ITGA9: variants seen among roughly 807,000 people sequenced by gnomAD.
ITGA9 encodes the protein integrin alpha-9.
ITGA9 carries 56 observed loss-of-function variants against 127.8 expected under a neutral mutation model. The observed-to-expected ratio is 0.44, with a 90% confidence interval of 0.35 to 0.55. ITGA9 has a LOEUF of 0.55. Among genes scored for constraint, ITGA9 ranks in the 20% least tolerant of loss-of-function variants. The pLI, the probability that ITGA9 is intolerant of heterozygous loss-of-function variation, is 0.00. For missense variants in ITGA9, 1,196 were observed against 1,347.1 expected (o/e 0.89, Z 1.76); for synonymous variants, 508 against 514.5 (o/e 0.99, Z 0.17).
intron 1 of ITGA9, among the ~76,000 whole-genome samples, chr3:37,456,102 C>T (rs1375444520): frequency 6.6e-6 from 1 of 152,148 alleles, no homozygotes; most frequent in Non-Finnish European, 1.5e-5. Context: ...CACAGAGCCC[C>T]AGACCCAGCT....
At chr3:37,776,792 G>A (rs578257217) in intron 23 of ITGA9, among the ~76,000 whole-genome samples, 4 of 152,240 alleles carry the variant, frequency 2.6e-5, no homozygotes, top group Non-Finnish European at 5.9e-5. Context: ...TCAGGGCAGA[G>A]ACTGGTCAGT....
At chr3:37,720,530 A>ATT (rs1389363511) in intron 18 of ITGA9, among the ~76,000 whole-genome samples, 1 of 152,112 alleles carries the variant, frequency 6.6e-6, no homozygotes, top group African/African-American at 2.4e-5. Context: ...CTCCGAGGAA[A>ATT]TTTTTTTTAA....
chr3:37,600,389 G>A (rs1049421679), intron 15 of ITGA9, among the ~76,000 whole-genome samples: 3 of 152,168 alleles, frequency 2.0e-5, no homozygotes, highest in African/African-American at 7.2e-5. Flanking sequence ...AGTTTAACCT[G>A]CTGTCCTATT....
intron 18 of ITGA9, among the ~76,000 whole-genome samples, chr3:37,704,574 T>C (rs181441039): frequency 6.6e-6 from 1 of 152,292 alleles, no homozygotes; most frequent in African/African-American, 2.4e-5. Context: ...GTCAGGGGGC[T>C]TGGGCTGTCT....
intron 15 of ITGA9, among the ~76,000 whole-genome samples, chr3:37,605,004 C>T (rs1441817442): frequency 6.6e-6 from 1 of 152,046 alleles, no homozygotes; most frequent in African/African-American, 2.4e-5. Flanking sequence ...CAGACCTTAC[C>T]GTCTAATAGG....
intron 17 of ITGA9, among the ~76,000 whole-genome samples, chr3:37,662,541 C>T (rs1465301153): frequency 2.0e-5 from 3 of 152,310 alleles, no homozygotes; most frequent in African/African-American, 7.2e-5. Flanking sequence ...TTGCTCCTCT[C>T]TCCAACCATA....
chr3:37,562,625 T>A (rs752417822), intron 15 of ITGA9, among the ~76,000 whole-genome samples: 3 of 152,232 alleles, frequency 2.0e-5, no homozygotes, highest in Non-Finnish European at 4.4e-5. Flanking sequence ...TTGGTCAGTA[T>A]AATCCTACCT....
chr3:37,600,107 C>G (rs531860165), intron 15 of ITGA9, among the ~76,000 whole-genome samples: 2 of 152,210 alleles, frequency 1.3e-5, no homozygotes, highest in Non-Finnish European at 2.9e-5. Context: ...TTCATCCTTT[C>G]TCATTACTGA....
At chr3:37,636,253 G>A (rs1375247472) in intron 16 of ITGA9, among the ~76,000 whole-genome samples, 3 of 152,160 alleles carry the variant, frequency 2.0e-5, no homozygotes, top group African/African-American at 7.2e-5. Context: ...CACCAACAGT[G>A]TAAAAGTCTT....
At chr3:37,811,926 G>A (rs1378089084) in intron 27 of ITGA9, among the ~76,000 whole-genome samples, 1 of 152,234 alleles carries the variant, frequency 6.6e-6, no homozygotes, top group Non-Finnish European at 1.5e-5. Context: ...TGGGCTCATG[G>A]TTTTTATTTG....
chr3:37,682,930 A>G (rs1700747348), intron 17 of ITGA9, among the ~76,000 whole-genome samples: 1 of 152,134 alleles, frequency 6.6e-6, no homozygotes, highest in African/African-American at 2.4e-5. Flanking sequence ...CCTCCTACTC[A>G]GGCCCCCTGT....
At chr3:37,514,712 G>A (rs568639465) in intron 9 of ITGA9, among the ~76,000 whole-genome samples, 36 of 152,294 alleles carry the variant, frequency 2.4e-4, no homozygotes, top group Admixed American at 4.6e-4. Flanking sequence ...TGGGATTACA[G>A]GCACTTGCCA....
intron 18 of ITGA9, among the ~76,000 whole-genome samples, chr3:37,718,701 T>A (rs376393222): frequency 6.6e-6 from 1 of 152,184 alleles, no homozygotes; most frequent in Non-Finnish European, 1.5e-5. Flanking sequence ...CAATGCAGTT[T>A]CACTTTTGAG....
intron 1 of ITGA9, among the ~76,000 whole-genome samples, chr3:37,453,126 C>T (rs896067469): frequency 6.6e-6 from 1 of 151,172 alleles, no homozygotes; most frequent in African/African-American, 2.4e-5. Context: ...CCCCCCCCCC[C>T]CCCCAGCTCC....
rs975254858 is a variant in ITGA9, at chr3:37,462,764, C to T, written c.186-8243C>T. ...GGCCTTGCAGATAAAATACCATAAT[C>T]TACTCTTGCAAATCAGGCCATCCTG... On this transcript the variant is annotated intron_variant, in intron 1 of 27. Coordinates refer to ENST00000264741, the MANE Select transcript of ITGA9 (RefSeq NM_002207.3). Among the ~76,000 whole-genome samples, 3 of 152,250 alleles carry T rather than the reference C, an allele frequency of 2.0e-5. No individual in the cohort carries two copies. The South Asian group carries it at 6.2e-4, about 31-fold the overall frequency.
chr3:37,523,358 A>G lies in ITGA9; in HGVS notation c.1237-163A>G, dbSNP rs1004027404. On this transcript the variant is annotated intron_variant, in intron 11 of 27. Coordinates refer to ENST00000264741, the MANE Select transcript of ITGA9 (RefSeq NM_002207.3). ...ATAATAAAGGAGTGTGTGGCCTTCA[A>G]CTGCCTGCTAAAGACTTGCTGATCA... 2.6e-5 allele frequency among the ~76,000 whole-genome samples: 4 copies of G among 152,190 alleles called. No homozygotes were observed. The East Asian group carries it at 7.7e-4, about 29-fold the overall frequency.
At chr3:37,762,401 C>A (rs895560518) in intron 23 of ITGA9, among the ~76,000 whole-genome samples, 4 of 152,182 alleles carry the variant, frequency 2.6e-5, no homozygotes, top group African/African-American at 9.7e-5. Flanking sequence ...AGAGCATGAC[C>A]ACAACCAGGT....
intron 27 of ITGA9, among the ~76,000 whole-genome samples, chr3:37,811,568 T>A (rs72862231): frequency 0.16 from 24,608 of 151,946 alleles, 3,838 homozygotes; most frequent in African/African-American, 0.41. Flanking sequence ...TGCTTCCCTC[T>A]CACCCTCCTC....
intron 4 of ITGA9, among the ~76,000 whole-genome samples, chr3:37,484,220 G>A (rs1370205166): frequency 6.6e-6 from 1 of 152,190 alleles, no homozygotes; most frequent in Admixed American, 6.5e-5. Flanking sequence ...TGGAGTATTG[G>A]GGTGTAAGAG....
Sources: gnomAD v4.1 joint callset for allele counts (sites outside exome capture counted in the v4.1 genomes callset) on GRCh38, gnomAD v4.1.1 for gene constraint, MANE v1.5 for transcripts, NCBI Gene and HGNC (gene_info 2026-07-23, HGNC 2026-07-21) for gene names.